Variants in GNAO1 observed in about 807,000 individuals in gnomAD.
GNAO1 encodes the protein guanine nucleotide-binding protein G(o) subunit alpha.
For missense variants in GNAO1, 166 were observed against 478.7 expected (o/e 0.35, Z 6.10); for synonymous variants, 164 against 180.7 (o/e 0.91, Z 0.74).
chr16:56,249,508 T>A (rs2036780280), intron 2 of GNAO1, among the ~76,000 whole-genome samples: 1 of 151,972 alleles, frequency 6.6e-6, no homozygotes, highest in African/African-American at 2.4e-5. Context: ...TGTGGACAAC[T>A]GGCATGATCA....
At chr16:56,332,816 C>T (rs1255296621) in intron 4 of GNAO1, among the ~76,000 whole-genome samples, 2 of 152,254 alleles carry the variant, frequency 1.3e-5, no homozygotes, top group African/African-American at 2.4e-5. Flanking sequence ...CAGGACCAAA[C>T]GCTTCCAGGC....
At chr16:56,295,325 G>A (rs980629335) in intron 3 of GNAO1, among the ~76,000 whole-genome samples, 1 of 152,214 alleles carries the variant, frequency 6.6e-6, no homozygotes, top group East Asian at 1.9e-4. Flanking sequence ...GGTCCTTCTC[G>A]TCTGTTCTCT....
intron 2 of GNAO1, among the ~76,000 whole-genome samples, chr16:56,267,027 G>A (rs1462073326): frequency 6.6e-6 from 1 of 152,158 alleles, no homozygotes; most frequent in Non-Finnish European, 1.5e-5. Context: ...AGTCTTGATG[G>A]TATCCCCTGA....
At chr16:56,254,758 T>G (rs897555222) in intron 2 of GNAO1, among the ~76,000 whole-genome samples, 2 of 152,172 alleles carry the variant, frequency 1.3e-5, no homozygotes, top group Non-Finnish European at 2.9e-5. Context: ...TTGTGCTGGT[T>G]TAATGTAGTT....
At chr16:56,349,852 C>T (rs1445559169) in intron 6 of GNAO1, among the ~76,000 whole-genome samples, 2 of 152,198 alleles carry the variant, frequency 1.3e-5, no homozygotes, top group East Asian at 3.9e-4. Context: ...GGGGGAGATA[C>T]TGAAGGGAGG....
At chr16:56,193,906 A>G (rs756325763) in intron 2 of GNAO1, 2 of 358,716 alleles carry the variant, frequency 5.6e-6, no homozygotes, top group Non-Finnish European at 1.1e-5. Context: ...GTAAACAAAA[A>G]TGATTATTTT....
At chr16:56,301,040 G>A (rs532307591) in intron 3 of GNAO1, 1 of 152,376 alleles carries the variant, frequency 6.6e-6, no homozygotes, top group African/African-American at 2.4e-5. Flanking sequence ...AGCAGCCACG[G>A]GCCCATCTCC....
At chr16:56,277,776 TACACACACACACAC>T (rs60891936) in intron 3 of GNAO1, among the ~76,000 whole-genome samples, 1,153 of 108,190 alleles carry the variant, frequency 0.011, 26 homozygotes, top group East Asian at 0.032. Flanking sequence ...GCACACCCCC[TACACACACACACAC>T]ACACACACAC....
intron 2 of GNAO1, among the ~76,000 whole-genome samples, chr16:56,266,277 T>TG (rs1420582076): frequency 6.6e-6 from 1 of 151,962 alleles, no homozygotes; most frequent in Non-Finnish European, 1.5e-5. Flanking sequence ...ATGCCGTCAG[T>TG]GGGGGGATTG....
intron 2 of GNAO1, among the ~76,000 whole-genome samples, chr16:56,273,596 T>C (rs2037036778): frequency 6.6e-6 from 1 of 152,258 alleles, no homozygotes; most frequent in Admixed American, 6.5e-5. Flanking sequence ...ACTATGAATA[T>C]TATATTGTTG....
At chr16:56,264,421 A>C (rs1324308786) in intron 2 of GNAO1, among the ~76,000 whole-genome samples, 2 of 152,210 alleles carry the variant, frequency 1.3e-5, no homozygotes, top group Non-Finnish European at 2.9e-5. Context: ...GGCAGGGTTC[A>C]TGTTGTTTTT....
chr16:56,309,780 T>A (rs1164192097), intron 3 of GNAO1, among the ~76,000 whole-genome samples: 3 of 144,368 alleles, frequency 2.1e-5, no homozygotes, highest in Non-Finnish European at 4.7e-5. Flanking sequence ...AGCTGAGGAA[T>A]GTGCAGCAGT....
At chr16:56,192,378 A>AC in intron 1 of GNAO1, 25 bp downstream of exon 1, 7 of 1,023,892 alleles carry the variant, frequency 6.8e-6, no homozygotes, top group South Asian at 1.3e-5. Flanking sequence ...TGCTACCCCC[A>AC]TCCCCCGACC....
intron 2 of GNAO1, among the ~76,000 whole-genome samples, chr16:56,216,091 C>T (rs766764787): frequency 2.0e-5 from 3 of 152,130 alleles, no homozygotes; most frequent in Non-Finnish European, 4.4e-5. Flanking sequence ...GTGCTAAGTG[C>T]ACCATTCTTT....
intron 3 of GNAO1, among the ~76,000 whole-genome samples, chr16:56,295,901 G>A (rs377292617): frequency 1.2e-3 from 190 of 152,318 alleles, no homozygotes; most frequent in Non-Finnish European, 2.2e-3. Context: ...TGTCACTGGC[G>A]TCTTCCTTGG....
At chr16:56,252,741 G>A (rs1479000558) in intron 2 of GNAO1, among the ~76,000 whole-genome samples, 1 of 152,188 alleles carries the variant, frequency 6.6e-6, no homozygotes, top group Non-Finnish European at 1.5e-5. Flanking sequence ...TGCTCAAGTA[G>A]ACCCTTCTCC....
At chr16:56,314,643 C>T (rs368551879) in intron 3 of GNAO1, among the ~76,000 whole-genome samples, 1 of 152,200 alleles carries the variant, frequency 6.6e-6, no homozygotes, top group African/African-American at 2.4e-5. Context: ...TGCAGCCCGG[C>T]GCCGAGTCCA....
intron 2 of GNAO1, among the ~76,000 whole-genome samples, chr16:56,243,227 A>G: frequency 6.6e-6 from 1 of 152,146 alleles, no homozygotes; most frequent in Middle Eastern, 3.2e-3. Flanking sequence ...ATAGAAATAA[A>G]GTACACAATA....
intron 6 of GNAO1, chr16:56,346,206 C>CAT: frequency 1.0e-6 from 1 of 985,434 alleles, no homozygotes; most frequent in South Asian, 4.7e-5. Flanking sequence ...CTGTGCATGA[C>CAT]ACCTGTCATC....
Sources: gnomAD v4.1 joint callset for allele counts (sites outside exome capture counted in the v4.1 genomes callset) on GRCh38, gnomAD v4.1.1 for gene constraint, MANE v1.5 for transcripts, NCBI Gene and HGNC (gene_info 2026-07-23, HGNC 2026-07-21) for gene names.